The following CCDC18 variants were observed in gnomAD, a reference collection of about 807,000 sequenced individuals.
The protein encoded by CCDC18 is coiled-coil domain-containing protein 18.
In CCDC18, 157 loss-of-function variants were observed where a neutral mutation model predicts 196.0. The ratio of observed to expected loss-of-function variants is 0.80; its 90% CI spans 0.70 to 0.91. The LOEUF (loss-of-function observed/expected upper bound fraction) is 0.91. CCDC18 is among the 40% of genes least tolerant of loss of function. The probability of loss-of-function intolerance (pLI) is 0.00; values close to 1 mark genes in which losing one functional copy is unlikely to be tolerated. For synonymous variants in CCDC18, 482 were observed against 529.2 expected (o/e 0.91, Z 1.22); for missense variants, 1,465 against 1,611.6 (o/e 0.91, Z 1.56).
intron 3 of CCDC18, among the ~76,000 whole-genome samples, chr1:93,185,944 T>G (rs2101497409): frequency 6.6e-6 from 1 of 152,040 alleles, no homozygotes; most frequent in African/African-American, 2.4e-5. Context: ...ATCCATTTTG[T>G]TGGTGGTGGA....
Position 93,212,116 on chromosome 1 carries a change from A to G in CCDC18, c.1350A>G (p.Ile450Met), listed in dbSNP as rs755705432. ...TTTGTGCCAGAATTAAGCTTGCAAT[A>G]AAAGAGGCAGAAATTCAAAAGCTTC... ...VISELRIKLA[I>M]KEAEIQKLHA... The change falls in exon 11 of 29, where the codon ATA becomes ATG. Residue 450 changes from isoleucine (I) to methionine (M), a missense_variant. Transcript: ENST00000690025. 3.7e-6 allele frequency: 6 copies of G among 1,600,244 alleles called. No individual in the cohort carries two copies. In the South Asian group the frequency reaches 6.9e-5, roughly 18 times the overall value.
chr1:93,241,723 C>CAAAAAAAAAAAA (rs35810581), intron 21 of CCDC18, among the ~76,000 whole-genome samples: 2 of 59,924 alleles, frequency 3.3e-5, no homozygotes, highest in African/African-American at 6.6e-5. Context: ...GACTCCATCT[C>CAAAAAAAAAAAA]AAAAAAAAAA....
intron 21 of CCDC18, among the ~76,000 whole-genome samples, chr1:93,241,375 C>T (rs914154903): frequency 5.3e-5 from 8 of 152,228 alleles, no homozygotes; most frequent in East Asian, 1.9e-4. Context: ...TGCTTACAAT[C>T]TTGACCCCCT....
At chr1:93,201,214 C>A (rs1358438352) in intron 6 of CCDC18, among the ~76,000 whole-genome samples, 3 of 152,084 alleles carry the variant, frequency 2.0e-5, no homozygotes, top group African/African-American at 4.8e-5. Flanking sequence ...GGGTCACTAA[C>A]CTCACTTACA....
At chr1:93,246,760 C>A in intron 22 of CCDC18, 78 bp from the exon 23 acceptor site, 1 of 700,238 alleles carries the variant, frequency 1.4e-6, no homozygotes, top group Non-Finnish European at 2.5e-6. Context: ...TTGCTATAAA[C>A]AATTACAAAG....
intron 25 of CCDC18, among the ~76,000 whole-genome samples, chr1:93,257,352 A>C (rs998798775): frequency 2.6e-5 from 4 of 151,842 alleles, no homozygotes; most frequent in Admixed American, 6.6e-5. Context: ...ACTTGGAGGT[A>C]AAGTGCTTTT....
At chr1:93,209,005 C>A (rs963921679) in intron 9 of CCDC18, among the ~76,000 whole-genome samples, 61 of 152,308 alleles carry the variant, frequency 4.0e-4, no homozygotes, top group African/African-American at 1.4e-3. Context: ...GTTGCCCAGG[C>A]TGGAGTGCAA....
intron 16 of CCDC18, 63 bp from the exon 17 acceptor site, chr1:93,226,270 C>A: frequency 1.4e-6 from 1 of 713,490 alleles, no homozygotes; most frequent in Non-Finnish European, 2.4e-6. Flanking sequence ...GGAGATAAAT[C>A]TGTAAAATAT....
chr1:93,217,911 T>TTAAA (rs770621973), intron 14 of CCDC18, 42 bp downstream of exon 14: 1 of 1,513,328 alleles, frequency 6.6e-7, no homozygotes, highest in African/African-American at 1.4e-5. Flanking sequence ...GAAAAGAAAC[T>TTAAA]TAAACATTAC....
At chr1:93,253,323 AG>A (rs1662516795) in intron 23 of CCDC18, among the ~76,000 whole-genome samples, 1 of 152,244 alleles carries the variant, frequency 6.6e-6, no homozygotes, top group African/African-American at 2.4e-5. Context: ...CTGCAGTGGG[AG>A]GTGCTGGAGC....
At chr1:93,267,386 CAG>C (rs1308133240) in intron 27 of CCDC18, among the ~76,000 whole-genome samples, 2 of 152,134 alleles carry the variant, frequency 1.3e-5, no homozygotes, top group African/African-American at 2.4e-5. Flanking sequence ...TGGCACAAGA[CAG>C]GGGTGCCCTC....
intron 19 of CCDC18, among the ~76,000 whole-genome samples, chr1:93,236,628 G>A (rs923400872): frequency 2.6e-5 from 4 of 152,078 alleles, no homozygotes; most frequent in Admixed American, 2.6e-4. Flanking sequence ...ATCATACCTG[G>A]TTTATTTTAG....
At chr1:93,229,683 G>A (rs1415143079) in intron 17 of CCDC18, among the ~76,000 whole-genome samples, 1 of 152,156 alleles carries the variant, frequency 6.6e-6, no homozygotes, top group Non-Finnish European at 1.5e-5. Context: ...TTTTGCCTCA[G>A]CCACATATTC....
chr1:93,256,612 A>T, intron 25 of CCDC18, 74 bp downstream of exon 25: 1 of 1,223,372 alleles, frequency 8.2e-7, no homozygotes, highest in Non-Finnish European at 1.2e-6. Flanking sequence ...ACTGTAGAAT[A>T]TAGTTCTTTC....
intron 6 of CCDC18, among the ~76,000 whole-genome samples, chr1:93,200,293 G>C (rs1418254055): frequency 6.7e-6 from 1 of 148,944 alleles, no homozygotes; most frequent in African/African-American, 2.5e-5. Flanking sequence ...TTTTAGAGAT[G>C]TTAAAAATGT....
At chr1:93,254,821 A>G (rs1277894734) in intron 24 of CCDC18, among the ~76,000 whole-genome samples, 1 of 150,932 alleles carries the variant, frequency 6.6e-6, no homozygotes, top group Non-Finnish European at 1.5e-5. Flanking sequence ...ACAGTGTCTT[A>G]TTTATCTCTG....
intron 25 of CCDC18, 95 bp downstream of exon 25, chr1:93,256,633 T>C: frequency 1.0e-6 from 1 of 978,324 alleles, no homozygotes; most frequent in Non-Finnish European, 1.6e-6. Context: ...AAAAATGAAC[T>C]GTATTGCACA....
At chr1:93,215,632 A>AT (rs912086010) in intron 12 of CCDC18, among the ~76,000 whole-genome samples, 1 of 151,260 alleles carries the variant, frequency 6.6e-6, no homozygotes, top group Non-Finnish European at 1.5e-5. Flanking sequence ...AAGTTTTTTT[A>AT]TTTTTTATTT....
chr1:93,180,973 G>C, intron 1 of CCDC18, 121 bp downstream of exon 1: 1 of 955,436 alleles, frequency 1.0e-6, no homozygotes, highest in East Asian at 5.4e-5. Flanking sequence ...GCTGGGACTG[G>C]TCCTCGTGGT....
Sources: allele counts gnomAD v4.1 joint callset (sites outside exome capture counted in the v4.1 genomes callset), GRCh38; gene constraint gnomAD v4.1.1; transcripts MANE v1.5; gene names NCBI Gene and HGNC (gene_info 2026-07-23, HGNC 2026-07-21).